Variants in RHOBTB2 observed in about 807,000 individuals in gnomAD.
RHOBTB2 encodes Rho related BTB domain containing 2, also known as rho-related BTB domain-containing protein 2.
RHOBTB2 carries 39 observed loss-of-function variants against 66.5 expected under a neutral mutation model. The observed-to-expected ratio is 0.59, with a 90% confidence interval of 0.45 to 0.77. The LOEUF is 0.77. RHOBTB2 is among the 30% of genes least tolerant of loss of function. The probability of loss-of-function intolerance (pLI) is 0.00; values close to 1 mark genes in which losing one functional copy is unlikely to be tolerated. For missense variants in RHOBTB2, 755 were observed against 999.1 expected, an observed-to-expected ratio of 0.76 and a Z score of 3.29; for synonymous variants, 390 against 395.0, an observed-to-expected ratio of 0.99 and a Z score of 0.15.
Position 23,004,475 on chromosome 8 carries a change from C to A in RHOBTB2, c.41C>A (p.Thr14Asn). 1 of 1,614,236 alleles carries A rather than the reference C, an allele frequency of 6.2e-7. No homozygotes were observed. The highest frequency in any genetic ancestry group is 8.5e-7 in the Non-Finnish European group (1 of 1,180,034). ...DMDYERPNVE[T>N]IKCVVVGDNA... is the part of the protein sequence containing the mutation. The stretch of plus-strand genomic sequence containing the variant: ...GATTATGAAAGGCCAAACGTAGAGA[C>A]CATCAAGTGCGTTGTGGTGGGGGAC... Residue 14 changes from threonine to asparagine, a missense_variant, in exon 2 of 10, where the codon ACC becomes AAC. This residue lies in a region of RHOBTB2 where 65 missense variants were observed against 152.4 expected (regional missense o/e 0.43). Transcript: ENST00000251822. The surrounding 1 kb of genome is among the most constrained non-coding windows in gnomAD (Gnocchi z 6.4).
the RHOBTB2 span, among the ~76,000 whole-genome samples, chr8:22,958,198 C>A: frequency 6.6e-6 from 1 of 152,210 alleles, no homozygotes; most frequent in South Asian, 2.1e-4. Flanking sequence ...GGTGCCCTCC[C>A]CTCTCCAAAG....
the RHOBTB2 span, among the ~76,000 whole-genome samples, chr8:22,966,732 T>C: frequency 6.6e-6 from 1 of 152,206 alleles, no homozygotes; most frequent in Admixed American, 6.5e-5. Flanking sequence ...CTATATCCTA[T>C]AGCTATAGTA....
At position 23,004,114 on chromosome 8, in the gene RHOBTB2, G is replaced by T. The variant is rs1036308740; in HGVS notation, c.-10-311G>T. 18 of 407,292 alleles carry T rather than the reference G, an allele frequency of 4.4e-5. No homozygotes were observed. The highest frequency in any genetic ancestry group is 7.5e-5 in the Non-Finnish European group (16 of 214,250). The allele number at this position is 407,292 out of a possible 1,614,324, so 25.2% of individuals were successfully genotyped here. On this transcript the variant is annotated intron_variant, in intron 1 of 9. Transcript: ENST00000251822. The surrounding 1 kb of genome is among the most constrained non-coding windows in gnomAD (Gnocchi z 6.4). Reference sequence around the variant, plus strand: ...CCTCTCTGGAGAGGGGACAGGGCAGGGCCTCGGCAAGCTCCACTGGTGATC... The same window carrying T: ...CCTCTCTGGAGAGGGGACAGGGCAGTGCCTCGGCAAGCTCCACTGGTGATC...
At chr8:22,970,603 TAAA>T in the RHOBTB2 span, among the ~76,000 whole-genome samples, 1 of 143,832 alleles carries the variant, frequency 7.0e-6, no homozygotes. Flanking sequence ...ACTCTGTCCC[TAAA>T]AAAAAAAAAA....
chr8:22,955,313 C>A, the RHOBTB2 span, among the ~76,000 whole-genome samples: 2 of 152,126 alleles, frequency 1.3e-5, no homozygotes. Flanking sequence ...ACTGCAGTAG[C>A]CCCTGCACCG....
upstream of RHOBTB2, among the ~76,000 whole-genome samples, chr8:22,995,034 G>A (rs1048860099): frequency 6.6e-6 from 1 of 152,232 alleles, no homozygotes; most frequent in Admixed American, 6.5e-5. Context: ...CCAAAGTGCT[G>A]GGATTACAGG....
chr8:23,016,428 T>A (rs909070168), intron 9 of RHOBTB2, among the ~76,000 whole-genome samples: 8 of 151,872 alleles, frequency 5.3e-5, no homozygotes, highest in African/African-American at 1.9e-4. Context: ...TTATTTATTT[T>A]TTTGAGACAG....
chr8:22,993,731 G>A (rs988823587), intron 2 of RHOBTB2, among the ~76,000 whole-genome samples: 1 of 152,142 alleles, frequency 6.6e-6, no homozygotes, highest in Non-Finnish European at 1.5e-5. Context: ...GCCCCTGAAG[G>A]GTTGTCACAG....
chr8:22,951,182 A>G, the RHOBTB2 span, among the ~76,000 whole-genome samples: 1,367 of 151,622 alleles, frequency 9.0e-3, 26 homozygotes, highest in African/African-American at 0.031. Context: ...AAGGTTTAAA[A>G]ATTTTTTTTT....
intron 7 of RHOBTB2, among the ~76,000 whole-genome samples, chr8:23,012,155 A>G (rs1811167629): frequency 6.6e-6 from 1 of 152,196 alleles, no homozygotes; most frequent in Admixed American, 6.5e-5. Flanking sequence ...TAAAACTTCA[A>G]ATTCCTAGAT....
At chr8:22,961,321 A>T in the RHOBTB2 span, among the ~76,000 whole-genome samples, 1 of 152,166 alleles carries the variant, frequency 6.6e-6, no homozygotes, top group African/African-American at 2.4e-5. Context: ...CAAGCAGCCA[A>T]CTAATCAGAC....
At chr8:23,005,900 C>T in intron 3 of RHOBTB2, 60 bp from the exon 4 acceptor site, 2 of 1,529,734 alleles carry the variant, frequency 1.3e-6, no homozygotes, top group Non-Finnish European at 1.8e-6. Flanking sequence ...GGCAGATGTT[C>T]CAGGACCAGG....
chr8:22,951,244 C>CT, the RHOBTB2 span, among the ~76,000 whole-genome samples: 1,102 of 87,814 alleles, frequency 0.013, 28 homozygotes, highest in East Asian at 0.042. Flanking sequence ...CTACTTAGCT[C>CT]TTTTTTTTTT....
chr8:23,002,892 G>C (rs1810827312), intron 1 of RHOBTB2, among the ~76,000 whole-genome samples: 1 of 152,190 alleles, frequency 6.6e-6, no homozygotes. Flanking sequence ...TTGCTGAGAT[G>C]CATCCACTCG....
upstream of RHOBTB2, chr8:22,994,674 C>G (rs1385166286): frequency 6.6e-7 from 1 of 1,511,636 alleles, no homozygotes; most frequent in Non-Finnish European, 9.0e-7. Flanking sequence ...TCTCCCTTCC[C>G]AAACATTGAT....
upstream of RHOBTB2, among the ~76,000 whole-genome samples, chr8:22,997,500 T>C (rs781486084): frequency 1.2e-4 from 19 of 152,086 alleles, no homozygotes; most frequent in Non-Finnish European, 2.6e-4. Flanking sequence ...CACATTTTTG[T>C]CCAAGACCCT....
At chr8:22,986,060 T>C (rs548503523), upstream of RHOBTB2, among the ~76,000 whole-genome samples, 1 of 151,024 alleles carries the variant, frequency 6.6e-6, no homozygotes, top group African/African-American at 2.4e-5. Context: ...TCCAGAGGAG[T>C]GGAGAACCAG....
At chr8:22,975,293 A>G in the RHOBTB2 span, among the ~76,000 whole-genome samples, 1 of 152,042 alleles carries the variant, frequency 6.6e-6, no homozygotes, top group Non-Finnish European at 1.5e-5. Flanking sequence ...TTCTCTCACT[A>G]GCTGGGGAGA....
chr8:23,015,380 G>A (rs1475668331), intron 8 of RHOBTB2, among the ~76,000 whole-genome samples: 1 of 152,168 alleles, frequency 6.6e-6, no homozygotes, highest in Non-Finnish European at 1.5e-5. Flanking sequence ...ATAGGGCTCT[G>A]GTGTCTGCAG....
Sources: gnomAD v4.1 joint callset for allele counts (sites outside exome capture counted in the v4.1 genomes callset) on GRCh38, gnomAD v4.1.1 for gene constraint, gnomAD v4.1.1 regional missense constraint, Gnocchi (gnomAD v3.1) non-coding constraint, MANE v1.5 for transcripts, NCBI Gene and HGNC (gene_info 2026-07-23, HGNC 2026-07-21) for gene names.